The following PLAT variants were observed in gnomAD, a reference collection of about 807,000 sequenced individuals.
The protein encoded by PLAT is tissue-type plasminogen activator.
In PLAT, 48 loss-of-function variants were observed where a neutral mutation model predicts 74.9. That is an observed-to-expected ratio of 0.64 (90% confidence interval 0.51 to 0.82). The LOEUF (loss-of-function observed/expected upper bound fraction) is 0.82, where lower values mean the gene tolerates loss of function less well. Among genes scored for constraint, PLAT ranks in the 40% least tolerant of loss-of-function variants. PLAT has a pLI of 0.00. For synonymous variants in PLAT, 307 were observed against 294.4 expected, an observed-to-expected ratio of 1.04 and a Z score of -0.44; for missense variants, 673 against 736.2, an observed-to-expected ratio of 0.91 and a Z score of 0.99.
intron 1 of PLAT, among the ~76,000 whole-genome samples, chr8:42,206,943 G>A (rs1346244437): frequency 2.6e-5 from 4 of 152,126 alleles, no homozygotes; most frequent in South Asian, 2.1e-4. Context: ...TCTATCCCAC[G>A]GGGTAATGTG....
intron 1 of PLAT, among the ~76,000 whole-genome samples, chr8:42,201,018 C>CA (rs763091853): frequency 3.3e-5 from 5 of 152,130 alleles, no homozygotes; most frequent in Non-Finnish European, 7.4e-5. Flanking sequence ...TTAGTAGAGA[C>CA]AGGGTTTCGG....
At chr8:42,189,651 T>C (rs1324104876) in intron 3 of PLAT, among the ~76,000 whole-genome samples, 1 of 151,290 alleles carries the variant, frequency 6.6e-6, no homozygotes, top group Non-Finnish European at 1.5e-5. Flanking sequence ...CAGGCTGGAG[T>C]GAAGTGGCAC....
intron 5 of PLAT, 79 bp from the exon 6 acceptor site, chr8:42,187,651 C>T (rs1202856784): frequency 1.2e-5 from 16 of 1,356,040 alleles, no homozygotes; most frequent in East Asian, 4.8e-5. Context: ...CTCTCTGCCC[C>T]GTCCTCCCCC....
chr8:42,196,347 G>T (rs545248909), intron 1 of PLAT, among the ~76,000 whole-genome samples: 1 of 152,134 alleles, frequency 6.6e-6, no homozygotes, highest in Non-Finnish European at 1.5e-5. Flanking sequence ...ACCTTCCTGC[G>T]CCTTGAGCTG....
intron 1 of PLAT, among the ~76,000 whole-genome samples, chr8:42,205,424 G>A (rs752269361): frequency 2.0e-5 from 3 of 152,190 alleles, no homozygotes; most frequent in Non-Finnish European, 4.4e-5. Context: ...TTACTCAGAA[G>A]GCTGAGGCAG....
In PLAT at chr8:42,198,169, T is replaced by C. The variant is rs535214102; in HGVS notation, c.-26-4958A>G. ...GCAACACAGTGAGACTCTGTCTCTG[T>C]TTATTTTCATATAAAAACATTTTAA... On this transcript the variant is annotated intron_variant, in intron 1 of 13. Transcript: ENST00000220809. Among the ~76,000 whole-genome samples the C allele has an allele frequency of 2.6e-5, 4 of 152,146 alleles. No homozygotes were observed. In the South Asian group the frequency reaches 6.2e-4, roughly 24 times the overall value.
chr8:42,200,889 G>A (rs1224853298), intron 1 of PLAT, among the ~76,000 whole-genome samples: 1 of 151,902 alleles, frequency 6.6e-6, no homozygotes, highest in Non-Finnish European at 1.5e-5. Context: ...GATTGCAACG[G>A]TGCAATCTCA....
chr8:42,180,526 C>G lies in PLAT; in HGVS notation c.1049G>C (p.Cys350Ser), dbSNP rs536873409. Reference sequence around the variant, plus strand: ...GCAGTGGGCGGCAGAGAGAATCCAGCAGGAGCTGATGAGTATGCCCCCGCA... The same window carrying G: ...GCAGTGGGCGGCAGAGAGAATCCAGGAGGAGCTGATGAGTATGCCCCCGCA... ...FLCGGILISS[C>S]WILSAAHCFQ... Residue 350 changes from cysteine to serine, a missense_variant, in exon 10 of 14, where the codon TGC (cysteine) becomes TCC (serine). Cys to Ser is a moderately radical substitution (Grantham distance 112). Transcript: ENST00000220809. 1 of 1,614,158 alleles carries G rather than the reference C, an allele frequency of 6.2e-7. No homozygotes were observed. The highest frequency in any genetic ancestry group is 8.5e-7 in the Non-Finnish European group (1 of 1,180,052).
intron 12 of PLAT, among the ~76,000 whole-genome samples, chr8:42,179,669 C>G (rs933745802): frequency 2.6e-5 from 4 of 152,212 alleles, no homozygotes; most frequent in Non-Finnish European, 5.9e-5. Flanking sequence ...CGACTGTACT[C>G]CACTTCCTAC....
At chr8:42,183,875 G>C (rs1052488877) in intron 7 of PLAT, among the ~76,000 whole-genome samples, 1 of 151,778 alleles carries the variant, frequency 6.6e-6, no homozygotes, top group African/African-American at 2.4e-5. Context: ...GCTGGTGCGT[G>C]TTTATATATA....
At chr8:42,199,370 G>A (rs1479804642) in intron 1 of PLAT, among the ~76,000 whole-genome samples, 1 of 152,182 alleles carries the variant, frequency 6.6e-6, no homozygotes, top group Non-Finnish European at 1.5e-5. Flanking sequence ...TACTCAGGAG[G>A]CTGAGGCAGG....
intron 1 of PLAT, among the ~76,000 whole-genome samples, chr8:42,203,992 T>TATATATATATACAC (rs1554499838): frequency 9.1e-6 from 1 of 109,868 alleles, no homozygotes; most frequent in African/African-American, 5.2e-5. Context: ...TATATATATA[T>TATATATATATACAC]ACACACACAC....
At chr8:42,190,436 T>G (rs1485367584) in intron 3 of PLAT, among the ~76,000 whole-genome samples, 3 of 152,316 alleles carry the variant, frequency 2.0e-5, no homozygotes, top group Non-Finnish European at 1.5e-5. Context: ...ATTAATATTT[T>G]CATGCCATCT....
chr8:42,194,237 A>AGTGTGT (rs1389822507), intron 1 of PLAT, among the ~76,000 whole-genome samples: 1 of 60,596 alleles, frequency 1.7e-5, no homozygotes, highest in Non-Finnish European at 3.7e-5. Flanking sequence ...AGAGAGAGAG[A>AGTGTGT]GAGAGTGTGT....
intron 1 of PLAT, 115 bp from the exon 2 acceptor site, chr8:42,193,326 G>T (rs1805759862): frequency 3.1e-6 from 2 of 652,482 alleles, no homozygotes; most frequent in African/African-American, 3.6e-5. Context: ...CAGCCCCGCG[G>T]CAGAAACGCC....
At chr8:42,206,406 G>T (rs1806332749) in intron 1 of PLAT, among the ~76,000 whole-genome samples, 1 of 152,182 alleles carries the variant, frequency 6.6e-6, no homozygotes, top group Non-Finnish European at 1.5e-5. Flanking sequence ...ATTGAGTCTA[G>T]ATCCCAGAAT....
chr8:42,193,038 G>A, intron 2 of PLAT, 76 bp downstream of exon 2: 1 of 1,024,914 alleles, frequency 9.8e-7, no homozygotes, highest in African/African-American at 1.6e-5. Flanking sequence ...CCGTGGCCCA[G>A]ATGGACACAG....
chr8:42,176,188 AAG>A (rs1564123802), intron 13 of PLAT, 37 bp from the exon 14 acceptor site: 1 of 1,571,378 alleles, frequency 6.4e-7, no homozygotes, highest in Non-Finnish European at 8.7e-7. Flanking sequence ...TTTGCAAAAA[AAG>A]CAGACTATCT....
At chr8:42,192,274 GATTACAGGTGTGAGTCA>G (rs1315598807) in intron 2 of PLAT, among the ~76,000 whole-genome samples, 1 of 152,116 alleles carries the variant, frequency 6.6e-6, no homozygotes, top group Non-Finnish European at 1.5e-5. Flanking sequence ...AAAGTGCTGA[GATTACAGGTGTGAGTCA>G]CTGTGCCCTG....
Sources: allele counts gnomAD v4.1 joint callset (sites outside exome capture counted in the v4.1 genomes callset), GRCh38; gene constraint gnomAD v4.1.1; transcripts MANE v1.5; gene names NCBI Gene and HGNC (gene_info 2026-07-23, HGNC 2026-07-21).